Variants in TRHDE observed in about 807,000 individuals in gnomAD.
The protein encoded by TRHDE is thyrotropin-releasing hormone-degrading ectoenzyme.
TRHDE carries 72 observed loss-of-function variants against 125.7 expected under a neutral mutation model. The observed-to-expected ratio is 0.57, with a 90% CI of 0.47 to 0.70. TRHDE has a LOEUF of 0.70. Among genes scored for constraint, TRHDE ranks in the 30% least tolerant of loss-of-function variants. The pLI is 0.00. For synonymous variants in TRHDE, 509 were observed against 509.1 expected (o/e 1.00, Z 0.00); for missense variants, 1,110 against 1,327.1 (o/e 0.84, Z 2.54).
At chr12:72,399,542 A>G (rs762419231) in intron 3 of TRHDE, among the ~76,000 whole-genome samples, 9 of 152,156 alleles carry the variant, frequency 5.9e-5, no homozygotes, top group Non-Finnish European at 1.0e-4. Flanking sequence ...ATAAATGTCA[A>G]TGTTTCAAAT....
At chr12:72,553,181 G>A (rs1316943209) in intron 7 of TRHDE, among the ~76,000 whole-genome samples, 1 of 152,104 alleles carries the variant, frequency 6.6e-6, no homozygotes, top group Non-Finnish European at 1.5e-5. Context: ...TGTATTTGGT[G>A]ATTATGAATT....
chr12:72,614,520 C>A (rs1423285254), intron 12 of TRHDE, among the ~76,000 whole-genome samples: 1 of 151,776 alleles, frequency 6.6e-6, no homozygotes, highest in Non-Finnish European at 1.5e-5. Flanking sequence ...ACCTAATAAA[C>A]TTTTTAATTA....
chr12:72,180,735 AC>A (rs1877080383), intron 2 of TRHDE, among the ~76,000 whole-genome samples: 1 of 152,102 alleles, frequency 6.6e-6, no homozygotes, highest in African/African-American at 2.4e-5. Context: ...TTTTCAGGCT[AC>A]CCCATGCAAA....
intron 2 of TRHDE, among the ~76,000 whole-genome samples, chr12:72,176,330 C>G (rs1876987740): frequency 6.6e-6 from 1 of 152,124 alleles, no homozygotes; most frequent in East Asian, 1.9e-4. Context: ...AAGATCGTGC[C>G]ACTGCTTACA....
At chr12:72,105,185 AAGTACATGG>A (rs1875156642) in intron 1 of TRHDE, among the ~76,000 whole-genome samples, 1 of 152,168 alleles carries the variant, frequency 6.6e-6, no homozygotes, top group African/African-American at 2.4e-5. Context: ...CAGTACAAGG[AAGTACATGG>A]TTAAAATTCT....
intron 2 of TRHDE, among the ~76,000 whole-genome samples, chr12:72,356,224 C>T (rs1870813302): frequency 6.6e-6 from 1 of 151,670 alleles, no homozygotes. Context: ...ACAATGAGAT[C>T]TTGTCCTTTG....
At chr12:72,613,822 A>G (rs1009255122) in intron 12 of TRHDE, among the ~76,000 whole-genome samples, 1 of 152,128 alleles carries the variant, frequency 6.6e-6, no homozygotes, top group African/African-American at 2.4e-5. Flanking sequence ...TCACATTACT[A>G]ATTGTGTTAG....
At chr12:72,290,780 CCTT>C (rs1880058470) in intron 2 of TRHDE, among the ~76,000 whole-genome samples, 1 of 152,116 alleles carries the variant, frequency 6.6e-6, no homozygotes, top group Admixed American at 6.6e-5. Flanking sequence ...GGATGGTTGG[CCTT>C]CTTACGTGGT....
At chr12:72,184,160 A>T (rs11179100) in intron 2 of TRHDE, among the ~76,000 whole-genome samples, 14,594 of 152,074 alleles carry the variant, frequency 0.096, 1,172 homozygotes, top group African/African-American at 0.22. Context: ...TTTATTCATG[A>T]AATATAGAAC....
At chr12:72,167,726 A>C (rs1876783389) in intron 2 of TRHDE, 2 of 152,186 alleles carry the variant, frequency 1.3e-5, no homozygotes, top group Non-Finnish European at 2.9e-5. Context: ...CCATTGATAA[A>C]CATATTTCTC....
At chr12:72,256,209 C>T (rs1310175443) in intron 2 of TRHDE, 1 of 152,168 alleles carries the variant, frequency 6.6e-6, no homozygotes, top group Non-Finnish European at 1.5e-5. Flanking sequence ...CAATAGCCTA[C>T]AAAACCTTAC....
intron 15 of TRHDE, among the ~76,000 whole-genome samples, chr12:72,648,052 T>C (rs1218673755): frequency 6.6e-6 from 1 of 152,098 alleles, no homozygotes; most frequent in African/African-American, 2.4e-5. Context: ...TAATACACCA[T>C]GACCAGCTGG....
Position 72,367,413 on chromosome 12 carries a change from C to T in TRHDE, c.1189-10582C>T, listed in dbSNP as rs536683603. Among the ~76,000 whole-genome samples, 264 of 152,194 alleles carry T rather than the reference C, an allele frequency of 1.7e-3. 1 individual carries two copies. The highest frequency in any genetic ancestry group is 2.9e-3 in the Non-Finnish European group (196 of 68,004). On this transcript the variant is annotated intron_variant, in intron 2 of 18. Transcript: ENST00000261180. ...TTTGGGCTCTGCCATTTGCCACTCC[C>T]GGGCCAGTGCCTTCCCCTTCCTCCT...
At chr12:72,542,495 A>G (rs1869204892) in intron 7 of TRHDE, 139 bp downstream of exon 7, 1 of 567,470 alleles carries the variant, frequency 1.8e-6, no homozygotes, top group Non-Finnish European at 2.9e-6. Flanking sequence ...TTTCTATATG[A>G]CAAATGAAAA....
At chr12:72,167,262 C>T (rs899844773) in intron 2 of TRHDE, among the ~76,000 whole-genome samples, 2 of 152,142 alleles carry the variant, frequency 1.3e-5, no homozygotes, top group African/African-American at 4.8e-5. Context: ...AGTACATGAA[C>T]TTTCTTCCAC....
At chr12:72,247,054 T>C (rs1056093506) in intron 2 of TRHDE, among the ~76,000 whole-genome samples, 1 of 152,242 alleles carries the variant, frequency 6.6e-6, no homozygotes, top group Non-Finnish European at 1.5e-5. Flanking sequence ...GGGGGATTTA[T>C]TCCAGGACCT....
At chr12:72,456,412 C>T (rs975734598) in intron 3 of TRHDE, among the ~76,000 whole-genome samples, 3 of 152,094 alleles carry the variant, frequency 2.0e-5, no homozygotes, top group African/African-American at 7.2e-5. Flanking sequence ...TATTAGAGTA[C>T]TGGCTTTCAT....
chr12:72,483,417 C>T (rs1013630349), intron 5 of TRHDE, among the ~76,000 whole-genome samples: 3 of 151,940 alleles, frequency 2.0e-5, no homozygotes, highest in African/African-American at 7.2e-5. Flanking sequence ...GTTTATATCA[C>T]AGACTAGTTT....
chr12:72,504,004 G>A (rs1878259440), intron 6 of TRHDE, among the ~76,000 whole-genome samples: 1 of 152,126 alleles, frequency 6.6e-6, no homozygotes, highest in South Asian at 2.1e-4. Context: ...TCAAAGTAGA[G>A]GAGGAGCAAT....
Sources: allele counts gnomAD v4.1 joint callset (sites outside exome capture counted in the v4.1 genomes callset), GRCh38; gene constraint gnomAD v4.1.1; transcripts MANE v1.5; gene names NCBI Gene and HGNC (gene_info 2026-07-23, HGNC 2026-07-21).